Variants in PLXNB3 observed in about 807,000 individuals in gnomAD.
PLXNB3 encodes the protein plexin B3.
A neutral mutation model predicts 125.7 loss-of-function variants in PLXNB3; 80 were observed. That is an observed-to-expected ratio of 0.64 (90% CI 0.53 to 0.77). PLXNB3 has a LOEUF of 0.77. Ranked by LOEUF, PLXNB3 falls within the 30% of genes least tolerant of loss-of-function variation. The pLI is 0.00. For missense variants in PLXNB3, 1,836 were observed against 1,729.3 expected (o/e 1.06, Z -1.09); for synonymous variants, 954 against 783.3 (o/e 1.22, Z -3.64).
chrX:153,772,772 G>A (rs2091946701), intron 16 of PLXNB3, 114 bp from the exon 17 acceptor site: 1 of 1,039,765 alleles, frequency 9.6e-7, no homozygotes, highest in East Asian at 3.7e-5. Context: ...GGCCCCAGGA[G>A]GTGAAGTCCA....
chrX:153,778,702 G>C, intron 35 of PLXNB3, 28 bp downstream of exon 35: 1 of 1,171,034 alleles, frequency 8.5e-7, no homozygotes, highest in Non-Finnish European at 1.2e-6. Context: ...CCGGAGGGGA[G>C]GCACAGTGGA....
In PLXNB3 at chrX:153,767,394, C is replaced by T. The variant is rs782167716; in HGVS notation, c.567C>T (p.Ala189=). The T allele has an allele frequency of 8.4e-7, 1 of 1,187,581 alleles. No individual in the cohort carries two copies. Among genetic ancestry groups the T allele is most frequent in the Non-Finnish European group, 1.1e-6 (1 of 882,751 alleles). Residue 189 remains alanine (A), a synonymous_variant, in exon 3 of 36, where the codon GCC becomes GCT. Coordinates refer to ENST00000361971, the MANE Select transcript of PLXNB3 (RefSeq NM_005393.3). The part of the protein sequence containing the change: ...PLPGRDLLLV[A]RGLAGKLSAG... ...CCGGCCGGGACCTCCTGCTTGTGGC[C>T]AGAGGCCTGGCGGGCAAGCTGTCGG...
rs1000652835 is a variant in PLXNB3 at position 153,770,740 on chromosome X, G to C, written c.2011-18G>C. On this transcript the variant is annotated intron_variant, in intron 10 of 35. Coordinates refer to ENST00000361971, the MANE Select transcript of PLXNB3 (RefSeq NM_005393.3). ...GGCCCTTTGAGTTCTGAAGGGCTGA[G>C]GGCTCTTGTTTTCCCAGGTGGACAT... 1 of 1,203,044 alleles carries C rather than the reference G, an allele frequency of 8.3e-7. No individual in the cohort carries two copies. Among genetic ancestry groups the C allele is most frequent in the East Asian group, 3.0e-5 (1 of 33,625 alleles).
At chrX:153,769,356 A>T (rs1464316859) in intron 6 of PLXNB3, 94 bp downstream of exon 6, 2 of 694,841 alleles carry the variant, frequency 2.9e-6, no homozygotes, top group Non-Finnish European at 4.3e-6. Flanking sequence ...CGGGAGGCCA[A>T]CCCTGCCTGT....
chrX:153,770,924 G>C (rs1557061608), intron 11 of PLXNB3, 41 bp downstream of exon 11: 1 of 1,206,054 alleles, frequency 8.3e-7, no homozygotes, highest in Non-Finnish European at 1.1e-6. Flanking sequence ...AGTGAGGTCT[G>C]CCAACAGCGT....
At position 153,771,503 on chromosome X, in the gene PLXNB3, G is replaced by A. The variant is rs782155380; in HGVS notation, c.2365G>A (p.Ala789Thr). 1.3e-4 allele frequency: 156 copies of A among 1,204,008 alleles called. No individual in the cohort carries two copies. The highest frequency in any genetic ancestry group is 2.3e-4 in the Middle Eastern group (1 of 4,276). Residue 789 changes from alanine to threonine, a missense_variant, in exon 14 of 36, where the codon GCC (alanine) becomes ACC (threonine). Coordinates refer to ENST00000361971, the MANE Select transcript of PLXNB3 (RefSeq NM_005393.3). ...CTCCCTAGTGATCCTGTACGACTGC[G>A]CCATGGGCCACCCGGACTGCAGCCA... is the stretch of plus-strand genomic sequence containing the variant. ...HALYVILYDCAMGHPDCSHCQ... is the reference protein window; with the variant it reads ...HALYVILYDCTMGHPDCSHCQ...
In PLXNB3 at chrX:153,776,298, A is replaced by C; in HGVS notation, c.4730-58A>C. On this transcript the variant is annotated intron_variant, in intron 27 of 35. Coordinates refer to ENST00000361971, the MANE Select transcript of PLXNB3 (RefSeq NM_005393.3). ...TGGAGCCCCTCAACTGTGTCTTACT[A>C]TGAGTGTGGGGCGTGGAGAGCAGGC... The C allele has an allele frequency of 3.7e-6, 4 of 1,086,555 alleles. No individual in the cohort carries two copies. The East Asian group carries it at 1.2e-4, about 33-fold the overall frequency. 89.5% of individuals were successfully genotyped at this position (1,086,555 alleles called of 1,213,427 possible).
rs781960535 is a variant in PLXNB3, at chrX:153,776,467, C to T, written c.4833+8C>T. 1 of 962,458 alleles carries T rather than the reference C, an allele frequency of 1.0e-6. No homozygotes were observed. Among genetic ancestry groups the T allele is most frequent in the Non-Finnish European group, 1.4e-6 (1 of 695,563 alleles). 79.3% of individuals were successfully genotyped at this position (962,458 alleles called of 1,213,427 possible). A position where few individuals can be genotyped will look rare whatever the true frequency, so the allele number is the denominator to read the frequency against. On this transcript the variant is annotated splice_region_variant and intron_variant, in intron 28 of 35. Transcript: ENST00000361971. ...ACCTTGCAACACTACAAGGTGTGAG[C>T]AGGGACGGGGCGAGGCAGGGCGGGG...
Position 153,778,409 on chromosome X carries a change from ATT to A in PLXNB3, c.5489_5490del (p.Ile1830ThrfsTer17), listed in dbSNP as rs781825592. On this transcript the variant is annotated frameshift_variant, in exon 34 of 36. Coordinates refer to ENST00000361971, the MANE Select transcript of PLXNB3 (RefSeq NM_005393.3). LOFTEE classifies it high-confidence loss of function. ...KQMVERYYAD[I>X]RQSSPASYQE... is the part of the protein sequence containing the mutation. ...CTGCTCCTCCAGGTACTATGCGGAC[ATT>A]CGCCAGAGCTCTCCGGCGAGCTACC... The A allele has an allele frequency of 2.5e-6, 3 of 1,211,628 alleles. No individual in the cohort carries two copies. The highest frequency in any genetic ancestry group is 3.4e-6 in the Non-Finnish European group (3 of 895,504).
At position 153,766,115 on chromosome X, in the gene PLXNB3, C is replaced by A; in HGVS notation, c.45+535C>A. 8 of 1,082,678 alleles carry A rather than the reference C, an allele frequency of 7.4e-6. No homozygotes were observed. The South Asian group carries it at 1.5e-4, about 20-fold the overall frequency. 89.2% of individuals were successfully genotyped at this position (1,082,678 alleles called of 1,213,427 possible). On this transcript the variant is annotated intron_variant, in intron 2 of 35. Transcript: ENST00000361971. The stretch of plus-strand genomic sequence containing the variant: ...GGGGCAGGAGCAGGCCTCCCCGCAC[C>A]CCTGAAGCCTGTGTTGTCTCTTGAC...
At chrX:153,772,356 T>C in intron 16 of PLXNB3, 69 bp downstream of exon 16, 12 of 760,367 alleles carry the variant, frequency 1.6e-5, no homozygotes, top group Non-Finnish European at 2.4e-5. Flanking sequence ...GACAGGCGCC[T>C]AGTAAGGATG....
At position 153,777,174 on chromosome X, in the gene PLXNB3, G is replaced by T. The variant is rs782600502; in HGVS notation, c.4928-34G>T. ...GGGCATCCCAGGCCAGGGGCAGGGG[G>T]TATAGCCCTGAAGCCAGGCTCCTGT... On this transcript the variant is annotated intron_variant, in intron 29 of 35. Transcript: ENST00000361971. The T allele has an allele frequency of 3.3e-5, 37 of 1,120,562 alleles. No homozygotes were observed. In the South Asian group the frequency reaches 6.2e-4, roughly 19 times the overall value. The allele number at this position is 1,120,562 out of a possible 1,213,427, so 92.3% of individuals were successfully genotyped here.
intron 10 of PLXNB3, 36 bp from the exon 11 acceptor site, chrX:153,770,722 T>C: frequency 1.7e-6 from 2 of 1,205,525 alleles, no homozygotes; most frequent in South Asian, 3.5e-5. Flanking sequence ...GTAGGCCCTT[T>C]GAGTTCTGAA....
rs782575354 is a variant in PLXNB3 at position 153,767,303 on chromosome X, G to A, written c.476G>A (p.Gly159Asp). ...GTGCTGTACCAGGCTGAGGACCCTG[G>A]TGACGGGCAGTTTGTGGCTGCCAAT... ...AEVLYQAEDP[G>D]DGQFVAANTP... Residue 159 changes from glycine to aspartate, a missense_variant, in exon 3 of 36, where the codon GGT (glycine) becomes GAT (aspartate). Physicochemically the swap from Gly to Asp is moderately conservative, Grantham distance 94 (BLOSUM62 -1). Transcript: ENST00000361971. 4 of 1,205,886 alleles carry A rather than the reference G, an allele frequency of 3.3e-6. No individual in the cohort carries two copies. The highest frequency in any genetic ancestry group is 3.0e-5 in the East Asian group (1 of 33,590).
chrX:153,776,357 G>C lies in PLXNB3; in HGVS notation c.4731G>C (p.Glu1577Asp). 6 of 1,186,113 alleles carry C rather than the reference G, an allele frequency of 5.1e-6. No homozygotes were observed. Among genetic ancestry groups the C allele is most frequent in the Non-Finnish European group, 6.8e-6 (6 of 877,189 alleles). Residue 1577 changes from glutamate to aspartate, a missense_variant and splice_region_variant, in exon 28 of 36, where the codon GAG (glutamate) becomes GAC (aspartate). Coordinates refer to ENST00000361971, the MANE Select transcript of PLXNB3 (RefSeq NM_005393.3). Reference protein sequence around the residue: ...QRPSVHALDLEWRSGLAGHLT... With the variant: ...QRPSVHALDLDWRSGLAGHLT... ...ATCTGCTTCCCTGACTCCCTCCAGA[G>C]TGGCGCTCAGGCCTGGCTGGTCACC...
rs1350809931 is a variant in PLXNB3 at position 153,776,472 on chromosome X, A to ACGGGGCGAGG, written c.4833+15_4833+24dup. 1.4e-6 allele frequency: 1 copy of ACGGGGCGAGG among 694,509 alleles called. No individual in the cohort carries two copies. Among genetic ancestry groups the ACGGGGCGAGG allele is most frequent in the Non-Finnish European group, 2.1e-6 (1 of 480,285 alleles). 57.2% of individuals were successfully genotyped at this position (694,509 alleles called of 1,213,427 possible). A position where few individuals can be genotyped will look rare whatever the true frequency, so the allele number is the denominator to read the frequency against. ...GCAACACTACAAGGTGTGAGCAGGGACGGGGCGAGGCAGGGCGGGGCTGGG... is the reference window on the plus strand; with the variant it reads ...GCAACACTACAAGGTGTGAGCAGGGACGGGGCGAGGCGGGGCGAGGCAGGGCGGGGCTGGG... On this transcript the variant is annotated intron_variant, in intron 28 of 35. Transcript: ENST00000361971.
Position 153,777,385 on chromosome X carries a change from G to C in PLXNB3, c.5100+5G>C. The C allele has an allele frequency of 1.7e-6, 2 of 1,191,961 alleles. No homozygotes were observed. Among genetic ancestry groups the C allele is most frequent in the Non-Finnish European group, 1.1e-6 (1 of 882,417 alleles). On this transcript the variant is annotated splice_donor_5th_base_variant and intron_variant, in intron 30 of 35. Coordinates refer to ENST00000361971, the MANE Select transcript of PLXNB3 (RefSeq NM_005393.3). The stretch of plus-strand genomic sequence containing the variant: ...ACCCGTCTGCTGTCCATGAAGGTTG[G>C]TGCGGCCTGGGTGGCTGGGCCTGAG...
chrX:153,772,373 TG>T, intron 16 of PLXNB3, 86 bp downstream of exon 16: 1 of 706,361 alleles, frequency 1.4e-6, no homozygotes, highest in South Asian at 2.6e-5. Context: ...GATGTCAAGC[TG>T]GGTCTGCGGG....
intron 5 of PLXNB3, 31 bp downstream of exon 5, chrX:153,769,107 G>C (rs781996652): frequency 4.2e-6 from 5 of 1,201,785 alleles, no homozygotes; most frequent in South Asian, 3.6e-5. Context: ...GAAGGGGCCA[G>C]CACACGCGGC....
Sources: gnomAD v4.1 joint callset for allele counts on GRCh38, gnomAD v4.1.1 for gene constraint, MANE v1.5 for transcripts, NCBI Gene and HGNC (gene_info 2026-07-23, HGNC 2026-07-21) for gene names.